Variants in ZFHX3 observed in about 807,000 individuals in gnomAD.
ZFHX3 encodes the protein zinc finger homeobox 3.
In ZFHX3, 42 loss-of-function variants were observed where a neutral mutation model predicts 279.1. The observed-to-expected ratio is 0.15, with a 90% CI of 0.12 to 0.19. ZFHX3 has a LOEUF of 0.19. Ranked by LOEUF, ZFHX3 falls within the 10% of genes least tolerant of loss-of-function variation. The pLI, the probability that ZFHX3 is intolerant of heterozygous loss-of-function variation, is 1.00. For synonymous variants in ZFHX3, 2,293 were observed against 1,957.8 expected, an observed-to-expected ratio of 1.17 and a Z score of -4.52; for missense variants, 4,981 against 4,754.0, an observed-to-expected ratio of 1.05 and a Z score of -1.40.
intron 2 of ZFHX3, among the ~76,000 whole-genome samples, chr16:73,647,789 C>A (rs1457395501): frequency 4.6e-5 from 7 of 151,352 alleles, no homozygotes; most frequent in Admixed American, 3.3e-4. Flanking sequence ...TGCATGTTCC[C>A]AAATAAACAA....
At chr16:73,717,964 A>G (rs993050946) in intron 1 of ZFHX3, among the ~76,000 whole-genome samples, 1 of 152,206 alleles carries the variant, frequency 6.6e-6, no homozygotes, top group African/African-American at 2.4e-5. Flanking sequence ...TCTTGGTTAC[A>G]GGCGAGGATG....
chr16:72,809,522 A>T (rs556915399), intron 7 of ZFHX3: 7 of 150,978 alleles, frequency 4.6e-5, no homozygotes, highest in African/African-American at 1.4e-4. Flanking sequence ...ATACCCACAG[A>T]AAGTTAATTT....
At chr16:73,840,507 T>C (rs1429993642) in intron 1 of ZFHX3, among the ~76,000 whole-genome samples, 1 of 152,218 alleles carries the variant, frequency 6.6e-6, no homozygotes, top group Non-Finnish European at 1.5e-5. Flanking sequence ...TTGGCTGGCA[T>C]TTTCTCAACA....
intron 1 of ZFHX3, among the ~76,000 whole-genome samples, chr16:73,761,110 T>C (rs567548802): frequency 6.6e-6 from 1 of 152,226 alleles, no homozygotes; most frequent in South Asian, 2.1e-4. Context: ...AAAAGCTTCT[T>C]AAGCTGATAA....
intron 1 of ZFHX3, among the ~76,000 whole-genome samples, chr16:72,978,057 G>A (rs764389069): frequency 6.6e-6 from 1 of 152,094 alleles, no homozygotes; most frequent in Non-Finnish European, 1.5e-5. Flanking sequence ...TAGAAACGGG[G>A]TTTCACCATG....
intron 2 of ZFHX3, among the ~76,000 whole-genome samples, chr16:73,533,597 A>C (rs1567511915): frequency 6.6e-6 from 1 of 151,958 alleles, no homozygotes; most frequent in Non-Finnish European, 1.5e-5. Flanking sequence ...CCAAAATCCA[A>C]ACTTGAATAT....
Position 73,784,660 on chromosome 16 carries a change from T to C in ZFHX3, c.-1607-104420A>G, listed in dbSNP as rs376828853. Among the ~76,000 whole-genome samples the C allele has an allele frequency of 6.0e-4, 91 of 151,544 alleles. 3 individuals are homozygous for C. The East Asian group carries it at 0.013, about 21-fold the overall frequency. ...TACTCGGGAGGCTGAGGCAGGAAAA[T>C]TGCTTGAACCCAGGAGGCAGAGGTT... On this transcript the variant is annotated intron_variant, in intron 1 of 17. Transcript: ENST00000641206.
intron 2 of ZFHX3, among the ~76,000 whole-genome samples, chr16:73,671,881 T>C (rs4243136): frequency 0.61 from 92,302 of 151,996 alleles, 29,364 homozygotes; most frequent in Middle Eastern, 0.83. Context: ...TTAACCTATA[T>C]ACATCTCTCT....
chr16:72,882,024 T>C (rs1349495559), intron 4 of ZFHX3, among the ~76,000 whole-genome samples: 1 of 152,174 alleles, frequency 6.6e-6, no homozygotes, highest in Non-Finnish European at 1.5e-5. Context: ...CCCATGTCAC[T>C]GGGCTCTGAT....
chr16:73,144,860 C>T (rs1966856700), intron 5 of ZFHX3, among the ~76,000 whole-genome samples: 1 of 152,176 alleles, frequency 6.6e-6, no homozygotes, highest in Non-Finnish European at 1.5e-5. Flanking sequence ...ACATCTCAAG[C>T]TGACATTCCT....
chr16:73,600,927 C>G (rs149592595), intron 2 of ZFHX3, among the ~76,000 whole-genome samples: 335 of 152,084 alleles, frequency 2.2e-3, no homozygotes, highest in Non-Finnish European at 3.2e-3. Context: ...TTCTTTACAC[C>G]TAGCATAACG....
chr16:73,667,729 T>C (rs115784387), intron 2 of ZFHX3, among the ~76,000 whole-genome samples: 1 of 152,218 alleles, frequency 6.6e-6, no homozygotes, highest in Non-Finnish European at 1.5e-5. Flanking sequence ...TAATATAGAC[T>C]GAACCAACAC....
intron 2 of ZFHX3, among the ~76,000 whole-genome samples, chr16:73,590,840 A>G (rs1387740307): frequency 1.3e-5 from 2 of 152,194 alleles, no homozygotes; most frequent in African/African-American, 2.4e-5. Flanking sequence ...ATGTCACAAC[A>G]AGGAAAATGA....
At chr16:72,810,086 G>A (rs181334939) in intron 7 of ZFHX3, among the ~76,000 whole-genome samples, 96 of 152,070 alleles carry the variant, frequency 6.3e-4, no homozygotes, top group Middle Eastern at 6.8e-3. Flanking sequence ...GGGTTTCACC[G>A]TGTTAGCCAG....
At chr16:72,890,906 T>C (rs1267990635) in intron 3 of ZFHX3, among the ~76,000 whole-genome samples, 1 of 152,258 alleles carries the variant, frequency 6.6e-6, no homozygotes, top group Non-Finnish European at 1.5e-5. Flanking sequence ...TCTAGATTAT[T>C]ACTATAGAAA....
At chr16:73,662,563 G>T (rs1317413968) in intron 2 of ZFHX3, among the ~76,000 whole-genome samples, 1 of 152,128 alleles carries the variant, frequency 6.6e-6, no homozygotes, top group African/African-American at 2.4e-5. Context: ...ACCAGCCACA[G>T]CCTTCCTGAG....
At chr16:73,875,549 A>C (rs550379829) in intron 1 of ZFHX3, among the ~76,000 whole-genome samples, 1 of 152,202 alleles carries the variant, frequency 6.6e-6, no homozygotes, top group South Asian at 2.1e-4. Flanking sequence ...ACCAGTATTC[A>C]AAAAATACTT....
At chr16:72,885,348 T>C (rs2038597290) in intron 4 of ZFHX3, among the ~76,000 whole-genome samples, 1 of 152,200 alleles carries the variant, frequency 6.6e-6, no homozygotes, top group African/African-American at 2.4e-5. Flanking sequence ...CTCAAGGAGT[T>C]ACGTAGCCAG....
chr16:73,558,755 C>A (rs2020325482), intron 2 of ZFHX3, among the ~76,000 whole-genome samples: 1 of 131,054 alleles, frequency 7.6e-6, no homozygotes, highest in Non-Finnish European at 1.5e-5. Context: ...CTCTGTTGTG[C>A]AGGCTAGAGT....
Sources: allele counts gnomAD v4.1 joint callset (sites outside exome capture counted in the v4.1 genomes callset), GRCh38; gene constraint gnomAD v4.1.1; transcripts MANE v1.5; gene names NCBI Gene and HGNC (gene_info 2026-07-23, HGNC 2026-07-21).